Variants in C12orf76 observed in about 807,000 individuals in gnomAD.
C12orf76 encodes the protein uncharacterized protein C12orf76.
Under a neutral mutation model 6.8 loss-of-function variants are expected in C12orf76, and 6 were observed. That is an observed-to-expected ratio of 0.88 (90% confidence interval 0.48 to 1.73). The LOEUF is 1.73. C12orf76 is among the 40% of genes most tolerant of loss of function. The pLI is 0.01. For missense variants in C12orf76, 99 were observed against 98.2 expected, an observed-to-expected ratio of 1.01 and a Z score of -0.03; for synonymous variants, 56 against 43.7, an observed-to-expected ratio of 1.28 and a Z score of -1.11.
At chr12:110,073,466 A>G (rs1892985432) in exon 1 of C12orf76, 1 of 523,924 alleles carries the variant, frequency 1.9e-6, no homozygotes, top group Non-Finnish European at 3.8e-6. Flanking sequence ...TAATGGTGCC[A>G]TAATTGATGC....
At chr12:110,056,081 A>G (rs1238269590) in intron 4 of C12orf76, among the ~76,000 whole-genome samples, 1 of 151,888 alleles carries the variant, frequency 6.6e-6, no homozygotes, top group Non-Finnish European at 1.5e-5. Flanking sequence ...TCAAAAAAAA[A>G]AAAAAAAGTT....
At chr12:110,050,782 C>T (rs1037274445), upstream of C12orf76, 7 of 583,676 alleles carry the variant, frequency 1.2e-5, no homozygotes, top group Admixed American at 2.1e-4. Flanking sequence ...TTTTATTCCA[C>T]TACTTTATTA....
At position 110,042,273 on chromosome 12, in the gene C12orf76, C is replaced by G; in HGVS notation, c.*101G>C. The G allele has an allele frequency of 1.1e-6, 1 of 877,614 alleles. No individual in the cohort carries two copies. Among genetic ancestry groups the G allele is most frequent in the Non-Finnish European group, 1.9e-6 (1 of 521,502 alleles). The allele number at this position is 877,614 out of a possible 1,614,324, so 54.4% of individuals were successfully genotyped here. On this transcript the variant is annotated 3_prime_UTR_variant, in exon 2 of 2. Transcript: ENST00000615315. Reference sequence around the variant, plus strand: ...TTTACCAACTGTCCAGACCAAAGGTCATTTCCAAGTAGGAAAGTTTTGGTT... The same window carrying G: ...TTTACCAACTGTCCAGACCAAAGGTGATTTCCAAGTAGGAAAGTTTTGGTT...
At chr12:110,062,768 C>A (rs1892793386) in intron 2 of C12orf76, among the ~76,000 whole-genome samples, 4 of 148,022 alleles carry the variant, frequency 2.7e-5, no homozygotes. Context: ...TACAGGTGTG[C>A]ACCACCATGC....
intron 2 of C12orf76, among the ~76,000 whole-genome samples, chr12:110,061,315 T>C (rs563585987): frequency 1.3e-5 from 2 of 151,938 alleles, no homozygotes; most frequent in Admixed American, 1.3e-4. Flanking sequence ...CTTGACTCAT[T>C]CTCTCCCTCT....
intron 1 of C12orf76, among the ~76,000 whole-genome samples, chr12:110,067,249 T>C (rs1892883463): frequency 6.6e-6 from 1 of 152,086 alleles, no homozygotes; most frequent in Non-Finnish European, 1.5e-5. Context: ...AGAAAACAAA[T>C]AGTAGTTAAG....
chr12:110,059,014 G>T, exon 3 of C12orf76: 1 of 1,550,958 alleles, frequency 6.4e-7, no homozygotes, highest in Non-Finnish European at 8.7e-7. Context: ...AACAAACTGT[G>T]GTATGAATGA....
intron 2 of C12orf76, among the ~76,000 whole-genome samples, chr12:110,065,664 C>T (rs1162552898): frequency 6.6e-6 from 1 of 152,192 alleles, no homozygotes; most frequent in East Asian, 1.9e-4. Flanking sequence ...AACCTTCTCA[C>T]TGGTCCCTCA....
chr12:110,069,808 T>C (rs1006981049), upstream of C12orf76, among the ~76,000 whole-genome samples: 9 of 152,210 alleles, frequency 5.9e-5, no homozygotes, highest in African/African-American at 2.2e-4. Flanking sequence ...TATATTATTC[T>C]CTCTCTCCAT....
chr12:110,043,209 C>T (rs1217879089), intron 1 of C12orf76, among the ~76,000 whole-genome samples: 3 of 152,076 alleles, frequency 2.0e-5, no homozygotes, highest in Non-Finnish European at 4.4e-5. Flanking sequence ...GGGAGGCAAC[C>T]AGGCAAGGAG....
chr12:110,069,308 C>T (rs570570164), upstream of C12orf76, among the ~76,000 whole-genome samples: 480 of 152,192 alleles, frequency 3.2e-3, 3 homozygotes, highest in Middle Eastern at 0.01. Flanking sequence ...GACATGGTGG[C>T]GGGCGCCTGT....
chr12:110,068,316 GAAGA>G, upstream of C12orf76, among the ~76,000 whole-genome samples: 1 of 144,674 alleles, frequency 6.9e-6, no homozygotes, highest in South Asian at 2.2e-4. Flanking sequence ...AGAAGAAGAA[GAAGA>G]AGAAGAAGAA....
At chr12:110,051,790 A>C (rs889122782), upstream of C12orf76, among the ~76,000 whole-genome samples, 1 of 151,966 alleles carries the variant, frequency 6.6e-6, no homozygotes, top group Non-Finnish European at 1.5e-5. Context: ...CTCAAGTCAT[A>C]AAGTCCCACT....
chr12:110,063,362 C>T lies in C12orf76; in HGVS notation n.380+2498G>A, dbSNP rs928629047. On this transcript the variant is annotated intron_variant and non_coding_transcript_variant, in intron 2 of 4. Transcript: ENST00000309050. Reference sequence around the variant, plus strand: ...GCAGTGGTGCAATCTCAGCTCACTGCAACTGCTGCCTCCCGGGGTCAAGCG... The same window carrying T: ...GCAGTGGTGCAATCTCAGCTCACTGTAACTGCTGCCTCCCGGGGTCAAGCG... 3.3e-5 allele frequency among the ~76,000 whole-genome samples: 5 copies of T among 152,136 alleles called. No homozygotes were observed. In the South Asian group the frequency reaches 6.2e-4, roughly 19 times the overall value.
exon 1 of C12orf76, chr12:110,067,506 T>G: frequency 1.0e-6 from 1 of 985,436 alleles, no homozygotes; most frequent in African/African-American, 1.7e-5. Flanking sequence ...CACTTCCTTT[T>G]CCCATTTTGT....
At position 110,067,367 on chromosome 12, in the gene C12orf76, T is replaced by A. The variant is rs1019952476; in HGVS notation, n.206+123A>T. 1.2e-5 allele frequency: 12 copies of A among 974,612 alleles called. No homozygotes were observed. The African/African-American group carries it at 2.1e-4, about 17-fold the overall frequency. 60.4% of individuals were successfully genotyped at this position (974,612 alleles called of 1,614,324 possible). A position where few individuals can be genotyped will look rare whatever the true frequency, so the allele number is the denominator to read the frequency against. ...CAAGGTAAGAATAGGAGCTCAACAATTACCTAGATAGAGTCTCCACAGCCC... is the reference window on the plus strand; with the variant it reads ...CAAGGTAAGAATAGGAGCTCAACAAATACCTAGATAGAGTCTCCACAGCCC... On this transcript the variant is annotated intron_variant and non_coding_transcript_variant, in intron 1 of 4. Transcript: ENST00000309050.
At chr12:110,072,036 G>C (rs934506283), upstream of C12orf76, among the ~76,000 whole-genome samples, 4 of 152,068 alleles carry the variant, frequency 2.6e-5, no homozygotes, top group African/African-American at 9.7e-5. Context: ...ATTCATGATA[G>C]CCAAAAAAGA....
At chr12:110,049,451 C>T (rs1020698976), upstream of C12orf76, 1 of 152,250 alleles carries the variant, frequency 6.6e-6, no homozygotes, top group Non-Finnish European at 1.5e-5. Flanking sequence ...TTAGTTCTTA[C>T]AGGTTTTGGG....
At chr12:110,065,318 CTG>C (rs1482446757) in intron 2 of C12orf76, among the ~76,000 whole-genome samples, 2 of 151,838 alleles carry the variant, frequency 1.3e-5, no homozygotes, top group Admixed American at 1.3e-4. Flanking sequence ...TTACAGGCAC[CTG>C]CCACCACGCC....
Sources: allele counts gnomAD v4.1 joint callset (sites outside exome capture counted in the v4.1 genomes callset), GRCh38; gene constraint gnomAD v4.1.1; transcripts MANE v1.5; gene names NCBI Gene and HGNC (gene_info 2026-07-23, HGNC 2026-07-21).